The following KPNA7 variants were observed in gnomAD, a reference collection of about 807,000 sequenced individuals.
The protein encoded by KPNA7 is karyopherin subunit alpha 7.
A neutral mutation model predicts 53.7 loss-of-function variants in KPNA7; 54 were observed. The observed-to-expected ratio is 1.01, with a 90% confidence interval of 0.81 to 1.26. The LOEUF is 1.26. KPNA7 is among the 50% of genes most tolerant of loss of function. The pLI is 0.00. For synonymous variants in KPNA7, 276 were observed against 259.3 expected, an observed-to-expected ratio of 1.06 and a Z score of -0.62; for missense variants, 640 against 644.5, an observed-to-expected ratio of 0.99 and a Z score of 0.07.
intron 4 of KPNA7, 125 bp downstream of exon 4, chr7:99,195,959 T>C: frequency 1.4e-6 from 1 of 730,712 alleles, no homozygotes; most frequent in Non-Finnish European, 2.3e-6. Flanking sequence ...TGGGCTAGCC[T>C]TTTCCTGTGT....
intron 1 of KPNA7, among the ~76,000 whole-genome samples, chr7:99,217,415 C>G (rs914650686): frequency 2.0e-5 from 3 of 152,180 alleles, no homozygotes; most frequent in African/African-American, 7.2e-5. Context: ...ATGTTGGATT[C>G]GAGCTAGCGA....
the KPNA7 span, among the ~76,000 whole-genome samples, chr7:99,156,661 A>AT: frequency 6.6e-6 from 1 of 152,006 alleles, no homozygotes; most frequent in East Asian, 1.9e-4. Context: ...AGTAGCTGGG[A>AT]TTATAGGTGC....
At chr7:99,207,913 C>A in intron 1 of KPNA7, among the ~76,000 whole-genome samples, 115 bp downstream of exon 1, 1 of 152,096 alleles carries the variant, frequency 6.6e-6, no homozygotes, top group South Asian at 2.1e-4. Context: ...GGATTACAGG[C>A]ATGAGCCACC....
intron 10 of KPNA7, among the ~76,000 whole-genome samples, chr7:99,174,276 A>G (rs1798827302): frequency 6.6e-6 from 1 of 152,184 alleles, no homozygotes; most frequent in South Asian, 2.1e-4. Context: ...TGATCTGTCA[A>G]CTGTCTCCCA....
intron 3 of KPNA7, among the ~76,000 whole-genome samples, chr7:99,199,534 T>C (rs1382817397): frequency 6.6e-6 from 1 of 152,172 alleles, no homozygotes; most frequent in African/African-American, 2.4e-5. Flanking sequence ...TACAACTATG[T>C]ATCACATGCA....
At chr7:99,161,829 A>G in the KPNA7 span, among the ~76,000 whole-genome samples, 1 of 152,138 alleles carries the variant, frequency 6.6e-6, no homozygotes, top group Admixed American at 6.6e-5. Context: ...TGAGGCACTT[A>G]ACAGTGAAAT....
intron 8 of KPNA7, 98 bp from the exon 9 acceptor site, chr7:99,182,163 G>T: frequency 1.2e-6 from 1 of 853,810 alleles, no homozygotes; most frequent in Non-Finnish European, 1.8e-6. Flanking sequence ...GTGACAGCCA[G>T]GACTGCATGT....
intron 6 of KPNA7, among the ~76,000 whole-genome samples, chr7:99,190,335 C>CAAAA (rs58257703): frequency 2.0e-5 from 2 of 99,368 alleles, no homozygotes; most frequent in African/African-American, 6.9e-5. Flanking sequence ...GACTCTGTCT[C>CAAAA]AAAAAAAAAA....
chr7:99,204,115 C>T (rs1790680605), intron 2 of KPNA7, among the ~76,000 whole-genome samples: 1 of 152,072 alleles, frequency 6.6e-6, no homozygotes, highest in African/African-American at 2.4e-5. Context: ...CATGGTATCT[C>T]GTGCCTATAA....
At chr7:99,152,171 G>A in the KPNA7 span, among the ~76,000 whole-genome samples, 17 of 151,862 alleles carry the variant, frequency 1.1e-4, no homozygotes, top group East Asian at 9.6e-4. Flanking sequence ...GCGACAGAGC[G>A]AGATTCTGTC....
At chr7:99,170,966 C>T (rs927596650), downstream of KPNA7, among the ~76,000 whole-genome samples, 1 of 152,152 alleles carries the variant, frequency 6.6e-6, no homozygotes, top group African/African-American at 2.4e-5. Context: ...TTTCAAAGGC[C>T]AGGTGCGGTG....
the KPNA7 span, among the ~76,000 whole-genome samples, chr7:99,149,957 C>G: frequency 6.6e-6 from 1 of 151,874 alleles, no homozygotes; most frequent in Non-Finnish European, 1.5e-5. Flanking sequence ...TGCCACCATG[C>G]CCGGCTAATT....
chr7:99,181,344 TTC>T (rs911648696), intron 9 of KPNA7, among the ~76,000 whole-genome samples: 1 of 152,204 alleles, frequency 6.6e-6, no homozygotes. Flanking sequence ...GATGTGTCTG[TTC>T]TCTGTCACTC....
chr7:99,146,624 A>G, the KPNA7 span, among the ~76,000 whole-genome samples: 5 of 149,202 alleles, frequency 3.4e-5, no homozygotes, highest in East Asian at 1.0e-3. Flanking sequence ...AGGCACAAAA[A>G]TCACTTAAAC....
Position 99,185,180 on chromosome 7 carries a change from GA to G in KPNA7, c.901-19del. 6.6e-7 allele frequency: 1 copy of G among 1,515,496 alleles called. No individual in the cohort carries two copies. The highest frequency in any genetic ancestry group is 9.0e-7 in the Non-Finnish European group (1 of 1,113,710). The allele number at this position is 1,515,496 out of a possible 1,614,324, so 93.9% of individuals were successfully genotyped here. A position where few individuals can be genotyped will look rare whatever the true frequency, so the allele number is the denominator to read the frequency against. On this transcript the variant is annotated intron_variant, in intron 7 of 10. Coordinates refer to ENST00000327442, the MANE Select transcript of KPNA7 (RefSeq NM_001145715.3). ...GAAGGAGTCTGGAAGAGCAAGGCTAGAAGTCTAAGTATTTCAAGTCTATCCC... is the reference window on the plus strand; with the variant it reads ...GAAGGAGTCTGGAAGAGCAAGGCTAGAGTCTAAGTATTTCAAGTCTATCCC...
upstream of KPNA7, among the ~76,000 whole-genome samples, chr7:99,209,182 G>A (rs530668939): frequency 1.3e-5 from 2 of 151,928 alleles, no homozygotes; most frequent in South Asian, 2.1e-4. Context: ...GCTTTCACAC[G>A]GTGTGTCTGA....
the KPNA7 span, among the ~76,000 whole-genome samples, chr7:99,166,585 G>A: frequency 6.6e-6 from 1 of 151,862 alleles, no homozygotes; most frequent in African/African-American, 2.4e-5. Flanking sequence ...AAACTGCTGG[G>A]ATTACAGGTG....
intron 7 of KPNA7, among the ~76,000 whole-genome samples, chr7:99,187,350 A>G (rs746011218): frequency 6.6e-6 from 1 of 152,026 alleles, no homozygotes; most frequent in Non-Finnish European, 1.5e-5. Flanking sequence ...CTTTCTGCCT[A>G]TATCTGAGCT....
At chr7:99,154,858 A>C in the KPNA7 span, among the ~76,000 whole-genome samples, 8 of 152,210 alleles carry the variant, frequency 5.3e-5, no homozygotes, top group African/African-American at 1.7e-4. Flanking sequence ...ACACAGTTTT[A>C]ATGTATTTGA....
Sources: allele counts gnomAD v4.1 joint callset (sites outside exome capture counted in the v4.1 genomes callset), GRCh38; gene constraint gnomAD v4.1.1; transcripts MANE v1.5; gene names NCBI Gene and HGNC (gene_info 2026-07-23, HGNC 2026-07-21).